Variants in PREP observed in about 807,000 individuals in gnomAD.
PREP encodes the protein prolyl endopeptidase, also known as dJ355L5.1 (prolyl endopeptidase).
PREP carries 29 observed loss-of-function variants against 87.6 expected under a neutral mutation model. The ratio of observed to expected loss-of-function variants is 0.33; its 90% CI spans 0.25 to 0.45. The LOEUF is 0.45. Ranked by LOEUF, PREP falls within the 20% of genes least tolerant of loss-of-function variation. The probability of loss-of-function intolerance (pLI) is 1.00; values close to 1 mark genes in which losing one functional copy is unlikely to be tolerated. For synonymous variants in PREP, 337 were observed against 328.6 expected, an observed-to-expected ratio of 1.03 and a Z score of -0.28; for missense variants, 695 against 886.5, an observed-to-expected ratio of 0.78 and a Z score of 2.74.
intron 2 of PREP, among the ~76,000 whole-genome samples, chr6:105,386,809 G>C (rs950187419): frequency 2.6e-5 from 4 of 152,182 alleles, no homozygotes; most frequent in African/African-American, 7.2e-5. Context: ...TGAAGCTTCA[G>C]CATTTGTATT....
Position 105,301,658 on chromosome 6 carries a change from T to C in PREP, c.1318-12764A>G, listed in dbSNP as rs566184277. Reference sequence around the variant, plus strand: ...CTATTCCAGACTGCTTTAGTTAGTTTTTCCAAGGATGGCTGGGCATTTTGG... The same window carrying C: ...CTATTCCAGACTGCTTTAGTTAGTTCTTCCAAGGATGGCTGGGCATTTTGG... On this transcript the variant is annotated intron_variant, in intron 10 of 14. Coordinates refer to ENST00000652536, the MANE Select transcript of PREP (RefSeq NM_002726.5). Among the ~76,000 whole-genome samples, 3 of 152,340 alleles carry C rather than the reference T, an allele frequency of 2.0e-5. No individual in the cohort carries two copies. In the East Asian group the frequency reaches 5.8e-4, roughly 29 times the overall value.
chr6:105,312,045 A>G (rs1466094482), intron 10 of PREP, among the ~76,000 whole-genome samples: 1 of 152,236 alleles, frequency 6.6e-6, no homozygotes, highest in African/African-American at 2.4e-5. Context: ...TATACATATT[A>G]AATTCTGGAA....
intron 7 of PREP, among the ~76,000 whole-genome samples, chr6:105,340,210 A>T (rs908148424): frequency 6.6e-6 from 1 of 152,238 alleles, no homozygotes; most frequent in Non-Finnish European, 1.5e-5. Context: ...GAAACTCTAC[A>T]AGCCACAAGA....
chr6:105,343,588 G>A (rs1771718406), intron 7 of PREP, among the ~76,000 whole-genome samples: 1 of 152,096 alleles, frequency 6.6e-6, no homozygotes, highest in Non-Finnish European at 1.5e-5. Flanking sequence ...CAGTGAACAG[G>A]CAACCTACAG....
At chr6:105,310,772 T>C (rs1312521332) in intron 10 of PREP, among the ~76,000 whole-genome samples, 3 of 152,254 alleles carry the variant, frequency 2.0e-5, no homozygotes, top group Admixed American at 6.5e-5. Flanking sequence ...AACATATTTA[T>C]GCTGAAGATT....
chr6:105,376,488 T>A (rs1294243797), intron 3 of PREP, among the ~76,000 whole-genome samples: 3 of 152,242 alleles, frequency 2.0e-5, no homozygotes, highest in Non-Finnish European at 2.9e-5. Context: ...ATCCTGCACA[T>A]TAGCCGAGTA....
At chr6:105,297,736 GCA>G (rs1431336995) in intron 10 of PREP, among the ~76,000 whole-genome samples, 1 of 152,188 alleles carries the variant, frequency 6.6e-6, no homozygotes, top group African/African-American at 2.4e-5. Context: ...ATCATGTGAG[GCA>G]CACAGAGCCC....
At position 105,278,099 on chromosome 6, in the gene PREP, C is replaced by G. The variant is rs776972748; in HGVS notation, c.*45G>C. Reference sequence around the variant, plus strand: ...GTTTCTTGGTGTCAACGTGGGAAAGCCCTTGAGGTTTTCTGTCGCTGTCAG... The same window carrying G: ...GTTTCTTGGTGTCAACGTGGGAAAGGCCTTGAGGTTTTCTGTCGCTGTCAG... On this transcript the variant is annotated 3_prime_UTR_variant, in exon 15 of 15. Coordinates refer to ENST00000652536, the MANE Select transcript of PREP (RefSeq NM_002726.5). The surrounding 1 kb of genome is among the most constrained non-coding windows in gnomAD (Gnocchi z 4.2). 4 of 1,573,906 alleles carry G rather than the reference C, an allele frequency of 2.5e-6. No individual in the cohort carries two copies. Among genetic ancestry groups the G allele is most frequent in the Non-Finnish European group, 3.5e-6 (4 of 1,156,724 alleles).
intron 10 of PREP, among the ~76,000 whole-genome samples, chr6:105,313,331 G>C (rs952571839): frequency 6.6e-6 from 1 of 152,212 alleles, no homozygotes; most frequent in African/African-American, 2.4e-5. Context: ...GGGGAGGGAA[G>C]AAATCTGTGT....
chr6:105,306,016 AT>A (rs1475164964), intron 10 of PREP, among the ~76,000 whole-genome samples: 1 of 151,798 alleles, frequency 6.6e-6, no homozygotes, highest in African/African-American at 2.4e-5. Context: ...TAATTTTAAA[AT>A]TTTTTGTAGA....
intron 5 of PREP, among the ~76,000 whole-genome samples, chr6:105,369,611 A>C (rs1471488969): frequency 6.6e-6 from 1 of 152,232 alleles, no homozygotes; most frequent in Non-Finnish European, 1.5e-5. Flanking sequence ...ACAGACAAAT[A>C]GATCAATGGA....
At chr6:105,398,017 G>A in intron 1 of PREP, 90 bp from the exon 2 acceptor site, 1 of 1,039,656 alleles carries the variant, frequency 9.6e-7, no homozygotes, top group Non-Finnish European at 1.4e-6. Flanking sequence ...AATAGGAAAG[G>A]GATGGACAAA....
intron 6 of PREP, among the ~76,000 whole-genome samples, chr6:105,365,460 G>C (rs991970009): frequency 6.6e-6 from 1 of 152,144 alleles, no homozygotes. Flanking sequence ...TCATGATCCA[G>C]ATTTTTCTGA....
intron 6 of PREP, among the ~76,000 whole-genome samples, chr6:105,356,766 T>C (rs1011344121): frequency 2.6e-5 from 4 of 152,254 alleles, no homozygotes; most frequent in Non-Finnish European, 5.9e-5. Context: ...CATAGTTTCC[T>C]AGCTGTGTAC....
chr6:105,376,391 G>T, intron 3 of PREP, 136 bp from the exon 4 acceptor site: 1 of 932,830 alleles, frequency 1.1e-6, no homozygotes, highest in Admixed American at 2.5e-5. Context: ...TCGCAGGGAC[G>T]TGGGGACATG....
chr6:105,294,082 C>T (rs892477517), intron 10 of PREP, among the ~76,000 whole-genome samples: 1 of 152,184 alleles, frequency 6.6e-6, no homozygotes, highest in African/African-American at 2.4e-5. Context: ...CTCCTTGCTT[C>T]CATTTGCTTC....
At chr6:105,392,187 C>T (rs746354301) in intron 2 of PREP, among the ~76,000 whole-genome samples, 10 of 151,496 alleles carry the variant, frequency 6.6e-5, no homozygotes, top group Non-Finnish European at 1.0e-4. Flanking sequence ...CACAGGTGCC[C>T]GCCACCATGC....
chr6:105,287,089 T>C (rs952707518), intron 11 of PREP, among the ~76,000 whole-genome samples: 3 of 151,914 alleles, frequency 2.0e-5, no homozygotes, highest in Non-Finnish European at 4.4e-5. Context: ...AACCCCAACA[T>C]TTATCGTCTT....
intron 2 of PREP, among the ~76,000 whole-genome samples, chr6:105,378,063 G>C (rs1402726256): frequency 6.6e-6 from 1 of 152,194 alleles, no homozygotes; most frequent in Non-Finnish European, 1.5e-5. Flanking sequence ...GAAAGTTAGG[G>C]ATACCCAGGC....
Sources: allele counts gnomAD v4.1 joint callset (sites outside exome capture counted in the v4.1 genomes callset), GRCh38; gene constraint gnomAD v4.1.1; non-coding constraint Gnocchi (gnomAD v3.1); transcripts MANE v1.5; gene names NCBI Gene and HGNC (gene_info 2026-07-23, HGNC 2026-07-21).